DCAF6: variants seen among roughly 807,000 people sequenced by gnomAD.
DCAF6 encodes the protein DDB1 and CUL4 associated factor 6, also known as DDB1- and CUL4-associated factor 6.
A neutral mutation model predicts 125.1 loss-of-function variants in DCAF6; 54 were observed. That is an observed-to-expected ratio of 0.43 (90% CI 0.35 to 0.54). The LOEUF is 0.54. Ranked by LOEUF, DCAF6 falls within the 20% of genes least tolerant of loss-of-function variation. The probability of loss-of-function intolerance (pLI) is 0.01; values close to 1 mark genes in which losing one functional copy is unlikely to be tolerated. For missense variants in DCAF6, 934 were observed against 1,161.7 expected (o/e 0.80, Z 2.85); for synonymous variants, 371 against 390.4 (o/e 0.95, Z 0.58).
At chr1:167,937,193 C>T (rs1400278603) in intron 1 of DCAF6, 185 bp downstream of exon 1, 5 of 609,260 alleles carry the variant, frequency 8.2e-6, no homozygotes, top group South Asian at 6.1e-5. Flanking sequence ...GCCCCCTGTG[C>T]ATGCTGCCAG....
At chr1:168,072,322 A>AAAAAAAAAAG (rs1553253848) in intron 21 of DCAF6, among the ~76,000 whole-genome samples, 15 of 145,410 alleles carry the variant, frequency 1.0e-4, no homozygotes, top group African/African-American at 4.0e-4. Flanking sequence ...AAAAAAAAAA[A>AAAAAAAAAAG]AAAGAAAAGA....
chr1:167,922,958 A>C, the DCAF6 span, among the ~76,000 whole-genome samples: 2 of 152,196 alleles, frequency 1.3e-5, no homozygotes, highest in African/African-American at 4.8e-5. Flanking sequence ...TATGTTCAGC[A>C]TGACTAATCA....
chr1:167,949,999 A>G lies in DCAF6; in HGVS notation c.98-1801A>G, dbSNP rs1380125793. Among the ~76,000 whole-genome samples, 3 of 152,292 alleles carry G rather than the reference A, an allele frequency of 2.0e-5. No individual in the cohort carries two copies. The East Asian group carries it at 5.8e-4, about 29-fold the overall frequency. On this transcript the variant is annotated intron_variant, in intron 1 of 21. Transcript: ENST00000367840. ...TGTATAAAAATGTCATTCAAAAGCT[A>G]TCTATTTAACCACAATGTGTTATGC...
intron 13 of DCAF6, among the ~76,000 whole-genome samples, chr1:168,042,059 A>T (rs1424344896): frequency 6.6e-6 from 1 of 151,984 alleles, no homozygotes; most frequent in Non-Finnish European, 1.5e-5. Context: ...TTAGTTAAAT[A>T]ATATTATATA....
At chr1:167,921,903 T>C in the DCAF6 span, among the ~76,000 whole-genome samples, 1 of 152,146 alleles carries the variant, frequency 6.6e-6, no homozygotes, top group East Asian at 1.9e-4. Context: ...TTAAGGTACA[T>C]AGGTTTTTGT....
At chr1:167,872,184 C>T in the DCAF6 span, among the ~76,000 whole-genome samples, 1 of 151,866 alleles carries the variant, frequency 6.6e-6, no homozygotes, top group African/African-American at 2.4e-5. Context: ...ATTAAAAATA[C>T]AAAATTAGCC....
chr1:167,883,316 G>T, the DCAF6 span: 5 of 1,104,850 alleles, frequency 4.5e-6, no homozygotes, highest in Non-Finnish European at 5.5e-6. Flanking sequence ...GGGATTACAG[G>T]CGTGAGCCAC....
chr1:168,012,019 C>T (rs750508464), intron 10 of DCAF6, among the ~76,000 whole-genome samples: 9 of 151,956 alleles, frequency 5.9e-5, no homozygotes, highest in Non-Finnish European at 8.8e-5. Context: ...AATATTAGGT[C>T]AATGGCCATT....
At chr1:168,039,310 A>G (rs879863436) in intron 13 of DCAF6, among the ~76,000 whole-genome samples, 12 of 151,714 alleles carry the variant, frequency 7.9e-5, no homozygotes, top group Non-Finnish European at 1.5e-4. Flanking sequence ...TTTAACTTCT[A>G]TATTTGATTT....
intron 4 of DCAF6, among the ~76,000 whole-genome samples, chr1:167,980,768 T>C (rs1451909585): frequency 1.3e-5 from 2 of 152,138 alleles, no homozygotes; most frequent in Non-Finnish European, 2.9e-5. Context: ...TTCACAAATA[T>C]TTTCACCCGT....
At chr1:168,049,553 C>T (rs887759650) in intron 16 of DCAF6, among the ~76,000 whole-genome samples, 10 of 150,502 alleles carry the variant, frequency 6.6e-5, no homozygotes, top group African/African-American at 1.2e-4. Context: ...TGAGCCACCG[C>T]GCCTGGCCAT....
At chr1:168,011,590 T>G (rs1004086881) in intron 10 of DCAF6, among the ~76,000 whole-genome samples, 1 of 152,202 alleles carries the variant, frequency 6.6e-6, no homozygotes, top group Non-Finnish European at 1.5e-5. Flanking sequence ...AAAGCAAACC[T>G]TTCAAAGCCC....
At chr1:167,906,539 G>A in the DCAF6 span, among the ~76,000 whole-genome samples, 7 of 151,196 alleles carry the variant, frequency 4.6e-5, no homozygotes, top group African/African-American at 2.4e-5. Flanking sequence ...TATAATCCCA[G>A]CACTTTGGGA....
intron 17 of DCAF6, among the ~76,000 whole-genome samples, chr1:168,051,823 T>C (rs899047001): frequency 1.2e-4 from 19 of 152,332 alleles, no homozygotes; most frequent in African/African-American, 4.6e-4. Context: ...CTAGCCTGTT[T>C]TAACATTAAG....
At chr1:167,888,664 C>T in the DCAF6 span, among the ~76,000 whole-genome samples, 21 of 152,088 alleles carry the variant, frequency 1.4e-4, no homozygotes, top group African/African-American at 4.8e-4. Context: ...ATCACGAGGT[C>T]AGGAGATCGA....
chr1:168,016,490 A>G (rs1684992680), intron 11 of DCAF6, among the ~76,000 whole-genome samples: 1 of 152,120 alleles, frequency 6.6e-6, no homozygotes, highest in South Asian at 2.1e-4. Flanking sequence ...CTCTATACGT[A>G]ATCAACTTTC....
At chr1:168,058,340 C>A (rs1691158518) in intron 17 of DCAF6, among the ~76,000 whole-genome samples, 1 of 152,130 alleles carries the variant, frequency 6.6e-6, no homozygotes, top group Non-Finnish European at 1.5e-5. Flanking sequence ...GGACCATTTA[C>A]AAAATAATTT....
chr1:168,003,185 ACT>A (rs1289399615), intron 8 of DCAF6, among the ~76,000 whole-genome samples: 4 of 152,268 alleles, frequency 2.6e-5, no homozygotes, highest in Admixed American at 2.0e-4. Flanking sequence ...TGTAAAAGAA[ACT>A]CTGATTTCAC....
intron 7 of DCAF6, among the ~76,000 whole-genome samples, chr1:167,999,497 T>C (rs1215135696): frequency 6.6e-6 from 1 of 152,226 alleles, no homozygotes; most frequent in Non-Finnish European, 1.5e-5. Context: ...GATAGAAGGC[T>C]GTTTCATTTG....
Sources: allele counts gnomAD v4.1 joint callset (sites outside exome capture counted in the v4.1 genomes callset), GRCh38; gene constraint gnomAD v4.1.1; transcripts MANE v1.5; gene names NCBI Gene and HGNC (gene_info 2026-07-23, HGNC 2026-07-21).